The following AASDH variants were observed in gnomAD, a reference collection of about 807,000 sequenced individuals.
AASDH encodes beta-alanine-activating enzyme.
Under a neutral mutation model 102.3 loss-of-function variants are expected in AASDH, and 81 were observed. That is an observed-to-expected ratio of 0.79 (90% CI 0.66 to 0.95). The LOEUF (loss-of-function observed/expected upper bound fraction) is 0.95. Among genes scored for constraint, AASDH ranks in the 40% least tolerant of loss-of-function variants. AASDH has a pLI of 0.00. For synonymous variants in AASDH, 398 were observed against 454.0 expected (o/e 0.88, Z 1.57); for missense variants, 1,203 against 1,266.2 (o/e 0.95, Z 0.76).
chr4:56,365,992 A>C (rs1489163616), intron 5 of AASDH, among the ~76,000 whole-genome samples: 1 of 152,204 alleles, frequency 6.6e-6, no homozygotes, highest in Non-Finnish European at 1.5e-5. Flanking sequence ...TAAAGAAGAA[A>C]AGAGAGAAGA....
In AASDH at chr4:56,378,241, A is replaced by C. The variant is rs1752575465; in HGVS notation, c.575T>G (p.Leu192Ter). ...CCCTGATGTATGTAGAACATAGGCT[A>C]AGCAATGCTTTAGCCTCAGATCCAT... Reference protein sequence around the residue: ...EHMDLRLKHCLAYVLHTSGTT... With the variant: ...EHMDLRLKHC The change falls in exon 4 of 15, where the codon TTA becomes TGA. Residue 192 changes from leucine (L) to a stop codon, truncating the protein, a stop_gained. Coordinates refer to ENST00000205214, the MANE Select transcript of AASDH (RefSeq NM_181806.4). LOFTEE classifies it high-confidence loss of function. The C allele has an allele frequency of 6.2e-7, 1 of 1,614,134 alleles. No individual in the cohort carries two copies. Among genetic ancestry groups the C allele is most frequent in the African/African-American group, 1.3e-5 (1 of 74,934 alleles).
intron 5 of AASDH, among the ~76,000 whole-genome samples, chr4:56,360,929 T>A (rs758869680): frequency 1.6e-4 from 24 of 152,182 alleles, no homozygotes; most frequent in Non-Finnish European, 2.8e-4. Context: ...TCCTAAACCA[T>A]GCTCTTACCT....
At chr4:56,341,389 CTTTTTTTTT>C (rs575687659) in intron 14 of AASDH, among the ~76,000 whole-genome samples, 37 of 92,406 alleles carry the variant, frequency 4.0e-4, no homozygotes, top group African/African-American at 1.5e-3. Flanking sequence ...AGACTTTTAT[CTTTTTTTTT>C]TTTTTTTTTT....
intron 9 of AASDH, among the ~76,000 whole-genome samples, chr4:56,352,665 G>A (rs953493310): frequency 1.3e-5 from 2 of 152,128 alleles, no homozygotes; most frequent in Non-Finnish European, 2.9e-5. Flanking sequence ...CAAAGTGCTG[G>A]GATTATAGGC....
At position 56,355,302 on chromosome 4, in the gene AASDH, A is replaced by G; in HGVS notation, c.983T>C (p.Leu328Pro). ...ATTGCCTTCTCCTCTCCAGCTTCTG[A>G]GAACTGTCAATGATGGAAACGCTTC... is the stretch of plus-strand genomic sequence containing the variant. ...GGEAFPSLTVLRSWRGEGNKT... is the reference protein window; with the variant it reads ...GGEAFPSLTVPRSWRGEGNKT... The change falls in exon 6 of 15, where the codon CTC (leucine) becomes CCC (proline). Residue 328 changes from leucine to proline, a missense_variant. Leu to Pro is a moderately conservative substitution (Grantham distance 98). Coordinates refer to ENST00000205214, the MANE Select transcript of AASDH (RefSeq NM_181806.4). 1 of 1,614,150 alleles carries G rather than the reference A, an allele frequency of 6.2e-7. No homozygotes were observed. The highest frequency in any genetic ancestry group is 8.5e-7 in the Non-Finnish European group (1 of 1,180,022).
intron 5 of AASDH, among the ~76,000 whole-genome samples, chr4:56,365,785 C>T (rs1006270241): frequency 1.7e-4 from 26 of 152,118 alleles, no homozygotes; most frequent in African/African-American, 5.3e-4. Context: ...CTAAAATTGA[C>T]AACCTAACAT....
intron 12 of AASDH, among the ~76,000 whole-genome samples, chr4:56,344,173 T>C (rs1378131985): frequency 6.6e-6 from 1 of 152,222 alleles, no homozygotes; most frequent in Non-Finnish European, 1.5e-5. Context: ...TATATTTGAC[T>C]ATGTTTCTGA....
intron 4 of AASDH, among the ~76,000 whole-genome samples, chr4:56,376,135 C>T (rs569520697): frequency 6.6e-5 from 10 of 151,306 alleles, no homozygotes; most frequent in African/African-American, 1.5e-4. Flanking sequence ...TCAATCCTTC[C>T]GCTTCAACCT....
At chr4:56,377,276 A>C (rs970674766) in intron 4 of AASDH, among the ~76,000 whole-genome samples, 1 of 152,172 alleles carries the variant, frequency 6.6e-6, no homozygotes, top group African/African-American at 2.4e-5. Flanking sequence ...TACACCCCTA[A>C]GGTTCACTTC....
intron 5 of AASDH, among the ~76,000 whole-genome samples, chr4:56,361,367 C>T (rs888083385): frequency 6.6e-6 from 1 of 152,010 alleles, no homozygotes; most frequent in African/African-American, 2.4e-5. Context: ...TGAGATCACA[C>T]CACTGCACTC....
At chr4:56,340,718 AAAC>A (rs1474803869) in intron 14 of AASDH, among the ~76,000 whole-genome samples, 1 of 152,232 alleles carries the variant, frequency 6.6e-6, no homozygotes, top group Non-Finnish European at 1.5e-5. Context: ...ACAGCAAAGG[AAAC>A]AACAGAGTGA....
intron 4 of AASDH, among the ~76,000 whole-genome samples, chr4:56,376,477 C>A (rs1560611916): frequency 6.6e-6 from 1 of 152,178 alleles, no homozygotes. Context: ...TAATCTATCT[C>A]CAATCTTGGG....
At chr4:56,341,220 G>A (rs771640149) in intron 14 of AASDH, among the ~76,000 whole-genome samples, 5 of 152,064 alleles carry the variant, frequency 3.3e-5, no homozygotes, top group Non-Finnish European at 7.4e-5. Context: ...CATGTTTACT[G>A]CAGCACAATT....
intron 9 of AASDH, among the ~76,000 whole-genome samples, chr4:56,352,969 C>A (rs1029211382): frequency 1.3e-5 from 2 of 152,044 alleles, no homozygotes; most frequent in African/African-American, 4.8e-5. Flanking sequence ...CTAATATAAC[C>A]ACTAACTAGC....
At chr4:56,379,035 C>T (rs1419373509) in intron 3 of AASDH, among the ~76,000 whole-genome samples, 1 of 152,068 alleles carries the variant, frequency 6.6e-6, no homozygotes, top group East Asian at 1.9e-4. Context: ...AGGCACCTGC[C>T]ACCACGCCCG....
intron 3 of AASDH, among the ~76,000 whole-genome samples, chr4:56,379,216 C>A (rs1192882595): frequency 6.6e-6 from 1 of 152,092 alleles, no homozygotes; most frequent in East Asian, 1.9e-4. Context: ...TGACTGCAAC[C>A]TCGAACAGCT....
chr4:56,373,214 A>AAGTTCGAG lies in AASDH; in HGVS notation c.669-1572_669-1571insCTCGAACT, dbSNP rs1751951170. ...GAGTGCAGTGGCATGATCTCGGCTC[A>AAGTTCGAG]CTGCAACCTCTGCCTCCCAAGTTCG... is the stretch of plus-strand genomic sequence containing the variant. On this transcript the variant is annotated intron_variant, in intron 4 of 14. Transcript: ENST00000205214. 2.0e-5 allele frequency among the ~76,000 whole-genome samples: 3 copies of AAGTTCGAG among 152,268 alleles called. No homozygotes were observed. In the East Asian group the frequency reaches 5.8e-4, roughly 29 times the overall value.
At chr4:56,382,663 A>G in intron 2 of AASDH, 66 bp from the exon 3 acceptor site, 1 of 1,525,462 alleles carries the variant, frequency 6.6e-7, no homozygotes, top group Non-Finnish European at 8.9e-7. Flanking sequence ...AAGCATTTCT[A>G]TTTCTCTATG....
intron 4 of AASDH, among the ~76,000 whole-genome samples, chr4:56,374,407 A>G (rs1025603370): frequency 1.3e-5 from 2 of 151,558 alleles, no homozygotes; most frequent in African/African-American, 2.4e-5. Context: ...TTGAGATTCA[A>G]CAAATGCAGA....
Sources: gnomAD v4.1 joint callset for allele counts (sites outside exome capture counted in the v4.1 genomes callset) on GRCh38, gnomAD v4.1.1 for gene constraint, MANE v1.5 for transcripts, NCBI Gene and HGNC (gene_info 2026-07-23, HGNC 2026-07-21) for gene names.